The following ST8SIA6 variants were observed in gnomAD, a reference collection of about 807,000 sequenced individuals.
ST8SIA6 encodes the protein ST8 alpha-N-acetyl-neuraminide alpha-2,8-sialyltransferase 6.
ST8SIA6 carries 39 observed loss-of-function variants against 33.6 expected under a neutral mutation model. The ratio of observed to expected loss-of-function variants is 1.16; its 90% CI spans 0.90 to 1.52. The LOEUF is 1.52. Ranked by LOEUF, ST8SIA6 falls within the 40% of genes most tolerant of loss-of-function variation. The pLI, the probability that ST8SIA6 is intolerant of heterozygous loss-of-function variation, is 0.00. For missense variants in ST8SIA6, 441 were observed against 443.8 expected, an observed-to-expected ratio of 0.99 and a Z score of 0.06; for synonymous variants, 172 against 167.2, an observed-to-expected ratio of 1.03 and a Z score of -0.22.
chr10:17,371,782 T>TAAAA (rs202019274), intron 3 of ST8SIA6, among the ~76,000 whole-genome samples: 1,319 of 89,008 alleles, frequency 0.015, 34 homozygotes, highest in African/African-American at 0.023. Flanking sequence ...CAAGACTCCA[T>TAAAA]TAAAAAAAAA....
At chr10:17,417,235 C>T (rs541254171) in intron 2 of ST8SIA6, among the ~76,000 whole-genome samples, 5 of 151,992 alleles carry the variant, frequency 3.3e-5, no homozygotes, top group Admixed American at 6.6e-5. Flanking sequence ...TCATTACTGC[C>T]GAGACATTCA....
chr10:17,319,994 T>C lies in ST8SIA6; in HGVS notation c.*884A>G, dbSNP rs1040097756. On this transcript the variant is annotated 3_prime_UTR_variant, in exon 8 of 8. Transcript: ENST00000377602. ...TCATACCCCATCATAATTAATGATATGCACATCTGTTTTCTCCTACAAGAG... is the reference window on the plus strand; with the variant it reads ...TCATACCCCATCATAATTAATGATACGCACATCTGTTTTCTCCTACAAGAG... The C allele has an allele frequency of 1.3e-5, 2 of 152,216 alleles. No homozygotes were observed. Among genetic ancestry groups the C allele is most frequent in the Admixed American group, 1.3e-4 (2 of 15,264 alleles). The allele number at this position is 152,216 out of a possible 1,614,324, so 9.4% of individuals were successfully genotyped here. A position where few individuals can be genotyped will look rare whatever the true frequency, so the allele number is the denominator to read the frequency against.
intron 2 of ST8SIA6, among the ~76,000 whole-genome samples, chr10:17,393,779 A>G (rs998185451): frequency 6.6e-6 from 1 of 152,224 alleles, no homozygotes; most frequent in Non-Finnish European, 1.5e-5. Context: ...AGACAGATTC[A>G]TAAGTAATTC....
chr10:17,421,405 A>G (rs754177543), intron 2 of ST8SIA6, among the ~76,000 whole-genome samples: 5 of 152,182 alleles, frequency 3.3e-5, no homozygotes, highest in African/African-American at 7.2e-5. Context: ...AATTTACAGC[A>G]GTCCGTAATA....
intron 6 of ST8SIA6, among the ~76,000 whole-genome samples, chr10:17,325,222 TATATA>T (rs1272699114): frequency 7.0e-6 from 1 of 142,918 alleles, no homozygotes; most frequent in Non-Finnish European, 1.5e-5. Context: ...AATACTGTAT[TATATA>T]GTATATTATA....
intron 3 of ST8SIA6, chr10:17,386,938 G>A (rs1438726718): frequency 1.3e-5 from 2 of 152,298 alleles, no homozygotes; most frequent in Admixed American, 1.3e-4. Flanking sequence ...CTGGGCCTGA[G>A]AAGGGAGGAG....
intron 4 of ST8SIA6, among the ~76,000 whole-genome samples, chr10:17,358,938 A>G (rs538698412): frequency 6.6e-6 from 1 of 152,286 alleles, no homozygotes; most frequent in South Asian, 2.1e-4. Flanking sequence ...CTCACTGCAT[A>G]TTGCTTTAAC....
intron 2 of ST8SIA6, among the ~76,000 whole-genome samples, chr10:17,418,451 C>T (rs372398134): frequency 5.4e-4 from 82 of 151,992 alleles, no homozygotes; most frequent in African/African-American, 2.0e-3. Context: ...GGGCTGAATG[C>T]CATGGGCCTG....
At chr10:17,429,996 G>A (rs11254590) in intron 2 of ST8SIA6, among the ~76,000 whole-genome samples, 6,980 of 151,858 alleles carry the variant, frequency 0.046, 229 homozygotes, top group Non-Finnish European at 0.061. Flanking sequence ...TGCACCCATC[G>A]CCGGAGCAGT....
At chr10:17,374,071 C>CA (rs1225769260) in intron 3 of ST8SIA6, among the ~76,000 whole-genome samples, 14,182 of 138,626 alleles carry the variant, frequency 0.1, 851 homozygotes, top group Admixed American at 0.13. Context: ...TCAACAACCA[C>CA]CACACACACA....
At chr10:17,333,714 T>TAGATATATATATATAG (rs1564405122) in intron 4 of ST8SIA6, among the ~76,000 whole-genome samples, 1 of 40,166 alleles carries the variant, frequency 2.5e-5, no homozygotes, top group Non-Finnish European at 4.8e-5. Context: ...TATATATATA[T>TAGATATATATATATAG]ATATTTTTTT....
At chr10:17,340,362 A>T (rs1848635440) in intron 4 of ST8SIA6, among the ~76,000 whole-genome samples, 1 of 150,612 alleles carries the variant, frequency 6.6e-6, no homozygotes, top group African/African-American at 2.4e-5. Flanking sequence ...ACCTGCTCTG[A>T]CCTGTGTCAC....
intron 2 of ST8SIA6, among the ~76,000 whole-genome samples, chr10:17,428,255 C>T (rs1163750236): frequency 6.6e-6 from 1 of 152,120 alleles, no homozygotes; most frequent in Non-Finnish European, 1.5e-5. Flanking sequence ...CTGGTGCAGC[C>T]GCCATCGGCC....
At chr10:17,429,053 G>A (rs1852022131) in intron 2 of ST8SIA6, among the ~76,000 whole-genome samples, 1 of 151,894 alleles carries the variant, frequency 6.6e-6, no homozygotes, top group Non-Finnish European at 1.5e-5. Context: ...AGCGGGATCT[G>A]GGGCTTCATT....
rs1233684960 is a variant in ST8SIA6 at position 17,317,124 on chromosome 10, T to C, written c.*3754A>G. 1.3e-5 allele frequency among the ~76,000 whole-genome samples: 2 copies of C among 152,194 alleles called. No homozygotes were observed. Among genetic ancestry groups the C allele is most frequent in the Non-Finnish European group, 2.9e-5 (2 of 68,022 alleles). On this transcript the variant is annotated 3_prime_UTR_variant, in exon 8 of 8. Transcript: ENST00000377602. Reference sequence around the variant, plus strand: ...TTTTCATCCCTCTGGAGCCCAACTTTTTATATGGTGCAATGTAGGCATTTA... The same window carrying C: ...TTTTCATCCCTCTGGAGCCCAACTTCTTATATGGTGCAATGTAGGCATTTA...
chr10:17,400,454 C>G (rs1025497424), intron 2 of ST8SIA6, among the ~76,000 whole-genome samples: 1 of 152,144 alleles, frequency 6.6e-6, no homozygotes, highest in East Asian at 1.9e-4. Context: ...ATTGCTTGAA[C>G]CTAGGAGGCG....
chr10:17,427,432 A>G (rs1851973391), intron 2 of ST8SIA6, among the ~76,000 whole-genome samples: 1 of 152,194 alleles, frequency 6.6e-6, no homozygotes, highest in South Asian at 2.1e-4. Context: ...ATGTAGAGCG[A>G]TGGAGACCTG....
At chr10:17,414,002 C>T (rs1434225614) in intron 2 of ST8SIA6, among the ~76,000 whole-genome samples, 1 of 152,180 alleles carries the variant, frequency 6.6e-6, no homozygotes, top group East Asian at 1.9e-4. Context: ...TCTTTAATCT[C>T]ATTGAGAAGC....
At chr10:17,370,842 T>A (rs1425062900) in intron 3 of ST8SIA6, among the ~76,000 whole-genome samples, 2 of 152,180 alleles carry the variant, frequency 1.3e-5, no homozygotes, top group Non-Finnish European at 1.5e-5. Flanking sequence ...GTCCTTTATT[T>A]TGAGTGAAAT....
Sources: gnomAD v4.1 joint callset for allele counts (sites outside exome capture counted in the v4.1 genomes callset) on GRCh38, gnomAD v4.1.1 for gene constraint, MANE v1.5 for transcripts, NCBI Gene and HGNC (gene_info 2026-07-23, HGNC 2026-07-21) for gene names.